The following RAB11FIP2 variants were observed in gnomAD, a reference collection of about 807,000 sequenced individuals.
RAB11FIP2 encodes RAB11 family interacting protein 2.
RAB11FIP2 carries 16 observed loss-of-function variants against 40.9 expected under a neutral mutation model. The ratio of observed to expected loss-of-function variants is 0.39; its 90% CI spans 0.26 to 0.59. The LOEUF (loss-of-function observed/expected upper bound fraction) is 0.59. RAB11FIP2 is among the 20% of genes least tolerant of loss of function. RAB11FIP2 has a pLI of 0.53. For synonymous variants in RAB11FIP2, 228 were observed against 213.7 expected, an observed-to-expected ratio of 1.07 and a Z score of -0.58; for missense variants, 532 against 606.2, an observed-to-expected ratio of 0.88 and a Z score of 1.28.
intron 3 of RAB11FIP2, chr10:118,034,020 T>C (rs534001475): frequency 3.9e-4 from 271 of 702,096 alleles, no homozygotes; most frequent in Non-Finnish European, 6.5e-4. Flanking sequence ...ATTCAGCTAC[T>C]GCAGGGGTCA....
intron 3 of RAB11FIP2, among the ~76,000 whole-genome samples, chr10:118,033,071 G>T (rs1554907229): frequency 6.6e-6 from 1 of 151,756 alleles, no homozygotes; most frequent in Non-Finnish European, 1.5e-5. Context: ...AGGTATATAT[G>T]TATAGAAAAA....
chr10:118,020,928 T>C (rs1019272226), intron 3 of RAB11FIP2, among the ~76,000 whole-genome samples: 5 of 152,240 alleles, frequency 3.3e-5, no homozygotes, highest in Non-Finnish European at 4.4e-5. Context: ...TAATTACTCA[T>C]ATGAATTACC....
intron 3 of RAB11FIP2, among the ~76,000 whole-genome samples, chr10:118,034,783 C>T (rs1211118756): frequency 6.6e-6 from 1 of 152,108 alleles, no homozygotes; most frequent in Non-Finnish European, 1.5e-5. Context: ...CTGAAGATTA[C>T]AAGAACTCCA....
Position 118,045,935 on chromosome 10 carries a change from G to T in RAB11FIP2, c.229C>A (p.Pro77Thr). ...ELPGLLIQGSPEKYILFLIVM... is the reference protein window; with the variant it reads ...ELPGLLIQGSTEKYILFLIVM... The stretch of plus-strand genomic sequence containing the variant: ...ATAAGGAAAAGAATGTATTTCTCTG[G>T]ACTTCCCTGAATTAGCAATCCAGGT... Residue 77 changes from proline (P) to threonine (T), a missense_variant, in exon 1 of 5, where the codon CCA becomes ACA. By Grantham distance (38) the Pro-to-Thr change is conservative. Coordinates refer to ENST00000355624, the MANE Select transcript of RAB11FIP2 (RefSeq NM_014904.3). 1 of 1,614,184 alleles carries T rather than the reference G, an allele frequency of 6.2e-7. No homozygotes were observed. The highest frequency in any genetic ancestry group is 8.5e-7 in the Non-Finnish European group (1 of 1,180,030).
In RAB11FIP2 at chr10:118,005,559, G is replaced by A. The variant is rs963599544; in HGVS notation, c.*3439C>T. On this transcript the variant is annotated 3_prime_UTR_variant, in exon 5 of 5. Coordinates refer to ENST00000355624, the MANE Select transcript of RAB11FIP2 (RefSeq NM_014904.3). ...CTTATTTCAAAGGGACCAAGTGAAT[G>A]AGCATGCATCATACTTCACTTACAC... is the stretch of plus-strand genomic sequence containing the variant. 29 of 152,316 alleles carry A rather than the reference G, an allele frequency of 1.9e-4. No homozygotes were observed. Among genetic ancestry groups the A allele is most frequent in the African/African-American group, 5.8e-4 (24 of 41,434 alleles). The allele number at this position is 152,316 out of a possible 1,614,324, so 9.4% of individuals were successfully genotyped here.
rs992771054 is a variant in RAB11FIP2 at position 118,039,322 on chromosome 10, T to C, written c.915A>G (p.Thr305=). ...TTTGGGGTAATGAAGCAGTCACATT[T>C]GTAAATGGGTCATTTTGTCTTCCGA... The part of the protein sequence containing the change: ...LCFGRQNDPF[T]NVTASLPQKF... Residue 305 remains threonine (T), a synonymous_variant, in exon 3 of 5, where the codon ACA becomes ACG. Transcript: ENST00000355624. The C allele has an allele frequency of 1.2e-6, 2 of 1,613,684 alleles. No homozygotes were observed. The highest frequency in any genetic ancestry group is 2.7e-5 in the African/African-American group (2 of 74,924).
chr10:118,043,300 A>G (rs1460607321), intron 1 of RAB11FIP2: 1 of 152,070 alleles, frequency 6.6e-6, no homozygotes, highest in African/African-American at 2.4e-5. Context: ...TCTGGTTGTT[A>G]TTACTTTTCA....
chr10:118,008,777 T>C lies in RAB11FIP2; in HGVS notation c.*221A>G. On this transcript the variant is annotated 3_prime_UTR_variant, in exon 5 of 5. Transcript: ENST00000355624. Reference sequence around the variant, plus strand: ...TAAGGAACCACTTATTCATTGAGAATCTGGCCCATTTTCAATTTAAACATT... The same window carrying C: ...TAAGGAACCACTTATTCATTGAGAACCTGGCCCATTTTCAATTTAAACATT... The C allele has an allele frequency of 1.9e-6, 1 of 522,936 alleles. No individual in the cohort carries two copies. The highest frequency in any genetic ancestry group is 1.9e-5 in the African/African-American group (1 of 52,316). 32.4% of individuals were successfully genotyped at this position (522,936 alleles called of 1,614,324 possible).
intron 3 of RAB11FIP2, among the ~76,000 whole-genome samples, chr10:118,035,657 A>G (rs544695733): frequency 6.6e-6 from 1 of 152,238 alleles, no homozygotes; most frequent in African/African-American, 2.4e-5. Context: ...CACGCTGGAG[A>G]CTAAGGGCAA....
In RAB11FIP2 at chr10:118,008,954, TTC is replaced by T. The variant is rs777562130; in HGVS notation, c.*42_*43del. The T allele has an allele frequency of 6.8e-6, 10 of 1,479,122 alleles. No individual in the cohort carries two copies. Among genetic ancestry groups the T allele is most frequent in the Non-Finnish European group, 9.4e-6 (10 of 1,066,790 alleles). 91.6% of individuals were successfully genotyped at this position (1,479,122 alleles called of 1,614,324 possible). On this transcript the variant is annotated 3_prime_UTR_variant, in exon 5 of 5. Transcript: ENST00000355624. ...AGTTTTTCCTTCCTTCCTTCTTTCT[TTC>T]TCTCTCTTTGTCCAATTATCAATAC...
rs563250537 is a variant in RAB11FIP2 at position 118,043,234 on chromosome 10, G to GAC, written c.353+2575_353+2576dup. ...GGCCAGGACACAGGTGCACCGCTGA[G>GAC]ACACACACACGTCCTAAAATCTGCA... On this transcript the variant is annotated intron_variant, in intron 1 of 4. Transcript: ENST00000355624. 1.7e-4 allele frequency among the ~76,000 whole-genome samples: 26 copies of GAC among 151,994 alleles called. No individual in the cohort carries two copies. In the East Asian group the frequency reaches 5.0e-3, roughly 29 times the overall value.
chr10:118,038,131 A>G (rs1294813487), intron 3 of RAB11FIP2, among the ~76,000 whole-genome samples: 1 of 151,876 alleles, frequency 6.6e-6, no homozygotes, highest in African/African-American at 2.4e-5. Context: ...ATGGGAATAA[A>G]TTTATCTTTT....
intron 3 of RAB11FIP2, among the ~76,000 whole-genome samples, chr10:118,022,966 A>G (rs1846298600): frequency 6.6e-6 from 1 of 152,242 alleles, no homozygotes. Flanking sequence ...AAGATTACTT[A>G]TATCTATACC....
In RAB11FIP2 at chr10:118,005,474, A is replaced by G. The variant is rs1180632389; in HGVS notation, c.*3524T>C. ...ACATCTGTGCAAATGGGGGCTTTCCATGTGTGCTGACAGACCCTTCTACAT... is the reference window on the plus strand; with the variant it reads ...ACATCTGTGCAAATGGGGGCTTTCCGTGTGTGCTGACAGACCCTTCTACAT... On this transcript the variant is annotated 3_prime_UTR_variant, in exon 5 of 5. Transcript: ENST00000355624. 1 of 152,614 alleles carries G rather than the reference A, an allele frequency of 6.6e-6. No homozygotes were observed. The highest frequency in any genetic ancestry group is 1.5e-5 in the Non-Finnish European group (1 of 68,040). 9.5% of individuals were successfully genotyped at this position (152,614 alleles called of 1,614,324 possible).
intron 2 of RAB11FIP2, 94 bp downstream of exon 2, chr10:118,040,029 C>T: frequency 8.0e-7 from 1 of 1,247,236 alleles, no homozygotes; most frequent in South Asian, 1.5e-5. Context: ...TACTACAAAG[C>T]AACTGCTATT....
chr10:118,025,069 C>A (rs1034020485), intron 3 of RAB11FIP2, among the ~76,000 whole-genome samples: 2 of 152,188 alleles, frequency 1.3e-5, no homozygotes, highest in Non-Finnish European at 2.9e-5. Flanking sequence ...CACCACTCTG[C>A]AACCCAAGCT....
At chr10:118,045,737 A>G (rs1460488736) in intron 1 of RAB11FIP2, 74 bp downstream of exon 1, 1 of 1,258,474 alleles carries the variant, frequency 7.9e-7, no homozygotes, top group East Asian at 2.5e-5. Context: ...AAGTATACGG[A>G]TAATTTCCAA....
intron 3 of RAB11FIP2, among the ~76,000 whole-genome samples, chr10:118,028,633 C>T (rs1004921032): frequency 6.6e-6 from 1 of 151,954 alleles, no homozygotes; most frequent in African/African-American, 2.4e-5. Context: ...ATCATAGTGG[C>T]CCAACTGGAA....
At chr10:118,035,476 C>T (rs899254526) in intron 3 of RAB11FIP2, among the ~76,000 whole-genome samples, 2 of 152,028 alleles carry the variant, frequency 1.3e-5, no homozygotes, top group Non-Finnish European at 2.9e-5. Context: ...TCACAGCCCA[C>T]GCAAGCAGGG....
Sources: gnomAD v4.1 joint callset for allele counts (sites outside exome capture counted in the v4.1 genomes callset) on GRCh38, gnomAD v4.1.1 for gene constraint, MANE v1.5 for transcripts, NCBI Gene and HGNC (gene_info 2026-07-23, HGNC 2026-07-21) for gene names.